The following GRID2 variants were observed in gnomAD, a reference collection of about 807,000 sequenced individuals.
The protein encoded by GRID2 is glutamate receptor ionotropic, delta-2.
In GRID2, 33 loss-of-function variants were observed where a neutral mutation model predicts 114.8. The ratio of observed to expected loss-of-function variants is 0.29; its 90% CI spans 0.22 to 0.38. The LOEUF is 0.38. GRID2 is among the 10% of genes least tolerant of loss of function. GRID2 has a pLI of 1.00. For synonymous variants in GRID2, 505 were observed against 449.9 expected, an observed-to-expected ratio of 1.12 and a Z score of -1.55; for missense variants, 1,184 against 1,257.7, an observed-to-expected ratio of 0.94 and a Z score of 0.89.
intron 2 of GRID2, among the ~76,000 whole-genome samples, chr4:92,986,640 G>C (rs1754524426): frequency 6.6e-6 from 1 of 152,094 alleles, no homozygotes; most frequent in African/African-American, 2.4e-5. Context: ...ATAAAGGAAT[G>C]CTGCCTAGGG....
rs1734158318 is a variant in GRID2, at chr4:93,772,147, C to T, written c.2673C>T (p.Pro891=). The T allele has an allele frequency of 6.2e-7, 1 of 1,613,022 alleles. No individual in the cohort carries two copies. Among genetic ancestry groups the T allele is most frequent in the Non-Finnish European group, 8.5e-7 (1 of 1,179,040 alleles). The part of the protein sequence containing the change: ...VNSLCTDDDS[P]HKQFSTSSID... ...GCTTGTGCACAGATGACGACAGCCCCCATAAACAGTTTTCCACCTCGTCAA... is the reference window on the plus strand; with the variant it reads ...GCTTGTGCACAGATGACGACAGCCCTCATAAACAGTTTTCCACCTCGTCAA... Residue 891 remains proline, a synonymous_variant, in exon 16 of 16, where the codon CCC becomes CCT. Transcript: ENST00000282020.
At chr4:92,984,994 C>G (rs1754420212) in intron 2 of GRID2, among the ~76,000 whole-genome samples, 1 of 151,928 alleles carries the variant, frequency 6.6e-6, no homozygotes, top group South Asian at 2.1e-4. Flanking sequence ...CTACGTTTAA[C>G]AGTTTTTCTT....
intron 12 of GRID2, among the ~76,000 whole-genome samples, chr4:93,501,891 A>G (rs2149474642): frequency 6.6e-6 from 1 of 152,226 alleles, no homozygotes; most frequent in East Asian, 1.9e-4. Flanking sequence ...CTTTAAGCCT[A>G]GAAACCTATT....
At chr4:92,704,240 T>C (rs1340134822) in intron 2 of GRID2, among the ~76,000 whole-genome samples, 2 of 152,192 alleles carry the variant, frequency 1.3e-5, no homozygotes, top group Non-Finnish European at 2.9e-5. Context: ...ATCGCGCCAC[T>C]GCACTCCAGC....
intron 1 of GRID2, among the ~76,000 whole-genome samples, chr4:92,353,076 G>T (rs1240395932): frequency 6.6e-6 from 1 of 151,762 alleles, no homozygotes; most frequent in African/African-American, 2.4e-5. Flanking sequence ...CCTCAGGCAT[G>T]ATAGTTCATA....
intron 13 of GRID2, among the ~76,000 whole-genome samples, chr4:93,569,689 T>C (rs917715498): frequency 4.6e-5 from 7 of 152,214 alleles, no homozygotes; most frequent in Non-Finnish European, 1.0e-4. Context: ...TGACATCTGC[T>C]AACAAATCCT....
intron 4 of GRID2, among the ~76,000 whole-genome samples, chr4:93,178,189 A>G (rs1476186178): frequency 2.6e-5 from 4 of 151,544 alleles, no homozygotes; most frequent in Non-Finnish European, 5.9e-5. Context: ...AAGCTACTGT[A>G]TCCTCTTTGT....
At position 92,865,056 on chromosome 4, in the gene GRID2, A is replaced by C. The variant is rs541145505; in HGVS notation, c.245-219939A>C. On this transcript the variant is annotated intron_variant, in intron 2 of 15. Coordinates refer to ENST00000282020, the MANE Select transcript of GRID2 (RefSeq NM_001510.4). Reference sequence around the variant, plus strand: ...TGTCTTTGTATTAAATCAATATAGAAGCTAAAGGTATAAAATCTGTAGGAG... The same window carrying C: ...TGTCTTTGTATTAAATCAATATAGACGCTAAAGGTATAAAATCTGTAGGAG... 2.6e-5 allele frequency among the ~76,000 whole-genome samples: 4 copies of C among 152,292 alleles called. No homozygotes were observed. The South Asian group carries it at 8.3e-4, about 32-fold the overall frequency.
intron 4 of GRID2, among the ~76,000 whole-genome samples, chr4:93,149,229 C>A (rs1037067441): frequency 6.6e-6 from 1 of 152,244 alleles, no homozygotes; most frequent in Admixed American, 6.5e-5. Context: ...CAGGTGCTAA[C>A]CAGCCACAAG....
chr4:92,599,482 C>A (rs984230092), intron 2 of GRID2, among the ~76,000 whole-genome samples: 1 of 152,094 alleles, frequency 6.6e-6, no homozygotes, highest in African/African-American at 2.4e-5. Context: ...TTGCACATTT[C>A]ATTGCAATTA....
At chr4:92,682,840 ACTGT>A (rs1379503397) in intron 2 of GRID2, among the ~76,000 whole-genome samples, 1 of 152,022 alleles carries the variant, frequency 6.6e-6, no homozygotes, top group Non-Finnish European at 1.5e-5. Context: ...TAAACTTAAA[ACTGT>A]CTGTATCTGG....
At chr4:92,463,143 T>C (rs1268325531) in intron 1 of GRID2, among the ~76,000 whole-genome samples, 5 of 151,878 alleles carry the variant, frequency 3.3e-5, no homozygotes, top group Admixed American at 6.6e-5. Flanking sequence ...TCCTAAAATA[T>C]GTAACTAGTT....
intron 1 of GRID2, among the ~76,000 whole-genome samples, chr4:92,510,858 T>TAAAAA (rs58768935): frequency 2.1e-5 from 3 of 144,080 alleles, no homozygotes; most frequent in African/African-American, 7.7e-5. Context: ...ATGTGTCAAT[T>TAAAAA]AAAAAAAAAA....
chr4:92,315,063 A>G (rs1300321512), intron 1 of GRID2, among the ~76,000 whole-genome samples: 1 of 152,188 alleles, frequency 6.6e-6, no homozygotes, highest in Admixed American at 6.5e-5. Context: ...GTAACCTCAG[A>G]ATTCAGCCTT....
At chr4:92,860,629 A>G (rs967083745) in intron 2 of GRID2, among the ~76,000 whole-genome samples, 2 of 152,134 alleles carry the variant, frequency 1.3e-5, no homozygotes, top group East Asian at 3.8e-4. Context: ...ATTGCAGTTG[A>G]AGACTAAGGT....
rs1426732724 is a variant in GRID2, at chr4:93,267,593, C to T, written c.1245+29103C>T. Among the ~76,000 whole-genome samples, 6 of 152,186 alleles carry T rather than the reference C, an allele frequency of 3.9e-5. No individual in the cohort carries two copies. In the East Asian group the frequency reaches 1.2e-3, roughly 29 times the overall value. ...CTTAGCTGAGTCACACACAATTTGC[C>T]TTCAGACCACGTAACTGCCCAAGGT... On this transcript the variant is annotated intron_variant, in intron 8 of 15. Coordinates refer to ENST00000282020, the MANE Select transcript of GRID2 (RefSeq NM_001510.4).
chr4:92,360,120 C>A (rs1271919160), intron 1 of GRID2, among the ~76,000 whole-genome samples: 2 of 151,968 alleles, frequency 1.3e-5, no homozygotes, highest in African/African-American at 4.8e-5. Flanking sequence ...TTTAATTAAG[C>A]AGAGAGCTTT....
At chr4:92,703,617 T>TTATATATATATATATATATA (rs3971001) in intron 2 of GRID2, among the ~76,000 whole-genome samples, 37 of 140,992 alleles carry the variant, frequency 2.6e-4, no homozygotes, top group African/African-American at 8.7e-4. Context: ...AGGAAAAACA[T>TTATATATATATATATATATA]TATATATATA....
At chr4:93,585,864 TGGC>T (rs1193417112) in intron 13 of GRID2, among the ~76,000 whole-genome samples, 8 of 152,256 alleles carry the variant, frequency 5.3e-5, no homozygotes, top group Admixed American at 3.9e-4. Context: ...CTCTTGTACA[TGGC>T]ATATCCACCT....
Sources: gnomAD v4.1 joint callset for allele counts (sites outside exome capture counted in the v4.1 genomes callset) on GRCh38, gnomAD v4.1.1 for gene constraint, MANE v1.5 for transcripts, NCBI Gene and HGNC (gene_info 2026-07-23, HGNC 2026-07-21) for gene names.